TMEM178B: variants seen among roughly 807,000 people sequenced by gnomAD.
The protein encoded by TMEM178B is transmembrane protein 178B.
In TMEM178B, 5 loss-of-function variants were observed where a neutral mutation model predicts 31.0. The ratio of observed to expected loss-of-function variants is 0.16; its 90% CI spans 0.08 to 0.34. The LOEUF (loss-of-function observed/expected upper bound fraction) is 0.34. Among genes scored for constraint, TMEM178B ranks in the 10% least tolerant of loss-of-function variants. The pLI is 1.00. For synonymous variants in TMEM178B, 164 were observed against 164.0 expected, an observed-to-expected ratio of 1.00 and a Z score of 0.00; for missense variants, 275 against 400.3, an observed-to-expected ratio of 0.69 and a Z score of 2.67.
At chr7:141,427,670 C>G (rs1484122766) in intron 2 of TMEM178B, among the ~76,000 whole-genome samples, 2 of 151,906 alleles carry the variant, frequency 1.3e-5, no homozygotes, top group African/African-American at 4.8e-5. Context: ...TATGAGACCT[C>G]AAAAGCACAG....
At chr7:141,376,240 A>G (rs1429561590) in intron 2 of TMEM178B, among the ~76,000 whole-genome samples, 1 of 152,236 alleles carries the variant, frequency 6.6e-6, no homozygotes. Context: ...AAGAAGAAGA[A>G]TTTAAAAAAT....
chr7:141,368,701 A>G (rs1450507071), intron 2 of TMEM178B, among the ~76,000 whole-genome samples: 3 of 152,222 alleles, frequency 2.0e-5, no homozygotes, highest in African/African-American at 4.8e-5. Context: ...ATATCTGGTT[A>G]TCATAGAAAT....
At chr7:141,376,668 A>G (rs1800220679) in intron 2 of TMEM178B, among the ~76,000 whole-genome samples, 1 of 152,214 alleles carries the variant, frequency 6.6e-6, no homozygotes, top group Non-Finnish European at 1.5e-5. Context: ...AATAGGTTGG[A>G]GCAAAAGTAA....
chr7:141,169,423 AT>A (rs1343504130), intron 1 of TMEM178B, among the ~76,000 whole-genome samples: 1 of 152,154 alleles, frequency 6.6e-6, no homozygotes, highest in Admixed American at 6.5e-5. Context: ...TATGTGCCAC[AT>A]TTTCTTTATC....
intron 2 of TMEM178B, among the ~76,000 whole-genome samples, chr7:141,284,532 C>T (rs538053284): frequency 2.3e-4 from 35 of 152,256 alleles, no homozygotes; most frequent in African/African-American, 7.9e-4. Flanking sequence ...TTTAATTTAT[C>T]GTTAGGAAGA....
chr7:141,280,869 T>C (rs1356289205), intron 2 of TMEM178B, among the ~76,000 whole-genome samples: 1 of 152,202 alleles, frequency 6.6e-6, no homozygotes, highest in East Asian at 1.9e-4. Flanking sequence ...TGCTTCTCTT[T>C]CTTGTTTTTT....
intron 2 of TMEM178B, among the ~76,000 whole-genome samples, chr7:141,362,141 T>G (rs1435718128): frequency 6.6e-6 from 1 of 152,214 alleles, no homozygotes; most frequent in East Asian, 1.9e-4. Context: ...GGCAGAGAAT[T>G]CTGGAGGTCA....
At position 141,157,441 on chromosome 7, in the gene TMEM178B, ACG is replaced by A. The variant is rs202184863; in HGVS notation, c.383-55148_383-55147del. Reference sequence around the variant, plus strand: ...CCTGCGCGCGTGCACACACACACACACGCACACACACACGCACACCAGCCAAC... The same window carrying A: ...CCTGCGCGCGTGCACACACACACACACACACACACACGCACACCAGCCAAC... On this transcript the variant is annotated intron_variant, in intron 1 of 3. Transcript: ENST00000565468. Among the ~76,000 whole-genome samples, 6 of 151,364 alleles carry A rather than the reference ACG, an allele frequency of 4.0e-5. No individual in the cohort carries two copies. In the East Asian group the frequency reaches 5.8e-4, roughly 15 times the overall value.
At chr7:141,507,055 T>C in the TMEM178B span, among the ~76,000 whole-genome samples, 1 of 152,228 alleles carries the variant, frequency 6.6e-6, no homozygotes, top group Admixed American at 6.5e-5. Context: ...TGGGCGGCTC[T>C]ACCCCTTTGG....
downstream of TMEM178B, chr7:141,480,481 A>G (rs1322619799): frequency 6.6e-6 from 1 of 152,240 alleles, no homozygotes; most frequent in Non-Finnish European, 1.5e-5. Context: ...GTATAGAAAA[A>G]AAGTCAATTA....
At chr7:141,355,142 C>G (rs1799796563) in intron 2 of TMEM178B, among the ~76,000 whole-genome samples, 1 of 152,150 alleles carries the variant, frequency 6.6e-6, no homozygotes, top group African/African-American at 2.4e-5. Context: ...CTTGGGAAAG[C>G]AGAGAGAGAT....
At chr7:141,482,052 TCTC>T (rs1802485111), downstream of TMEM178B, among the ~76,000 whole-genome samples, 1 of 152,168 alleles carries the variant, frequency 6.6e-6, no homozygotes, top group Non-Finnish European at 1.5e-5. Flanking sequence ...GACATTCTGT[TCTC>T]CTTTTTCCAA....
intron 2 of TMEM178B, among the ~76,000 whole-genome samples, chr7:141,220,683 C>G (rs1396694164): frequency 6.6e-6 from 1 of 152,172 alleles, no homozygotes; most frequent in Non-Finnish European, 1.5e-5. Flanking sequence ...CAATTTTGTG[C>G]TGGGAATTAG....
At chr7:141,160,060 A>C (rs1156800931) in intron 1 of TMEM178B, among the ~76,000 whole-genome samples, 1 of 148,586 alleles carries the variant, frequency 6.7e-6, no homozygotes, top group South Asian at 2.1e-4. Context: ...TATATAATAT[A>C]TATATATAAT....
intron 1 of TMEM178B, among the ~76,000 whole-genome samples, chr7:141,077,796 G>A (rs914003435): frequency 5.9e-5 from 9 of 152,142 alleles, no homozygotes; most frequent in African/African-American, 1.7e-4. Flanking sequence ...TTAGAAAATC[G>A]TGATGGGAAA....
chr7:141,387,606 A>G (rs1800456532), intron 2 of TMEM178B, among the ~76,000 whole-genome samples: 1 of 152,190 alleles, frequency 6.6e-6, no homozygotes, highest in Non-Finnish European at 1.5e-5. Context: ...AGAGGTTTTC[A>G]TAGCGAGGAG....
intron 2 of TMEM178B, among the ~76,000 whole-genome samples, chr7:141,329,324 C>T (rs550458462): frequency 6.6e-6 from 1 of 152,300 alleles, no homozygotes; most frequent in Admixed American, 6.5e-5. Context: ...TGGGCACCCT[C>T]CTCATACAAG....
chr7:141,444,687 A>C (rs1472494185), intron 3 of TMEM178B, among the ~76,000 whole-genome samples: 1 of 152,168 alleles, frequency 6.6e-6, no homozygotes, highest in African/African-American at 2.4e-5. Flanking sequence ...AAAAGTAGTC[A>C]TGTCAAGTTG....
At chr7:141,337,174 C>T (rs1325481239) in intron 2 of TMEM178B, among the ~76,000 whole-genome samples, 2 of 93,694 alleles carry the variant, frequency 2.1e-5, no homozygotes, top group Admixed American at 1.1e-4. Flanking sequence ...CCACCACCAC[C>T]ACCACCACCA....
Sources: gnomAD v4.1 joint callset for allele counts (sites outside exome capture counted in the v4.1 genomes callset) on GRCh38, gnomAD v4.1.1 for gene constraint, MANE v1.5 for transcripts, NCBI Gene and HGNC (gene_info 2026-07-23, HGNC 2026-07-21) for gene names.